The following EPHB2 variants were observed in gnomAD, a reference collection of about 807,000 sequenced individuals.
The protein encoded by EPHB2 is EPH receptor B2.
In EPHB2, 18 loss-of-function variants were observed where a neutral mutation model predicts 96.4. The observed-to-expected ratio is 0.19, with a 90% confidence interval of 0.13 to 0.28. The LOEUF (loss-of-function observed/expected upper bound fraction) is 0.28, where lower values mean the gene tolerates loss of function less well. EPHB2 is among the 10% of genes least tolerant of loss of function. The probability of loss-of-function intolerance (pLI) is 1.00; values close to 1 mark genes in which losing one functional copy is unlikely to be tolerated. For synonymous variants in EPHB2, 506 were observed against 534.1 expected (o/e 0.95, Z 0.72); for missense variants, 989 against 1,355.4 (o/e 0.73, Z 4.25).
intron 5 of EPHB2, among the ~76,000 whole-genome samples, chr1:22,874,509 G>A (rs928348198): frequency 8.5e-5 from 13 of 152,216 alleles, no homozygotes; most frequent in African/African-American, 2.4e-4. Flanking sequence ...GTAGGGCCAG[G>A]TAACCAGGGG....
At chr1:22,836,314 C>A (rs977459935) in intron 3 of EPHB2, among the ~76,000 whole-genome samples, 11 of 152,216 alleles carry the variant, frequency 7.2e-5, no homozygotes, top group African/African-American at 2.4e-4. Context: ...CTCGGAGGCA[C>A]AAAGATGAAC....
In EPHB2 at chr1:22,913,527, T is replaced by TGATGC; in HGVS notation, c.2920_2924dup (p.Ala976CysfsTer5). 1 of 1,614,104 alleles carries TGATGC rather than the reference T, an allele frequency of 6.2e-7. No homozygotes were observed. The highest frequency in any genetic ancestry group is 8.5e-7 in the Non-Finnish European group (1 of 1,180,022). On this transcript the variant is annotated frameshift_variant, in exon 16 of 16. Coordinates refer to ENST00000374630, the MANE Select transcript of EPHB2 (RefSeq NM_017449.5). LOFTEE classifies it high-confidence loss of function. The surrounding 1 kb of genome is among the most constrained non-coding windows in gnomAD (Gnocchi z 4.1). ...AAAAAAATCCTGAACAGTATCCAGG[T>TGATGC]GATGCGGGCGCAGATGAACCAGATT...
intron 3 of EPHB2, among the ~76,000 whole-genome samples, chr1:22,834,037 G>C (rs1645344663): frequency 1.2e-5 from 1 of 86,368 alleles, no homozygotes; most frequent in Non-Finnish European, 2.3e-5. Context: ...CCTGAACTTA[G>C]TCTCAAAACA....
intron 1 of EPHB2, among the ~76,000 whole-genome samples, chr1:22,748,391 C>CT (rs34735800): frequency 0.011 from 1,375 of 130,188 alleles, 10 homozygotes; most frequent in African/African-American, 0.019. Flanking sequence ...TTTTTTTTTT[C>CT]TTTTTTTTGA....
intron 5 of EPHB2, among the ~76,000 whole-genome samples, chr1:22,874,934 G>A (rs745954625): frequency 1.3e-5 from 2 of 152,154 alleles, no homozygotes; most frequent in Admixed American, 6.5e-5. Flanking sequence ...GGGTTAAACC[G>A]AGTTAACTGG....
At chr1:22,755,210 C>T (rs1255312989) in intron 1 of EPHB2, among the ~76,000 whole-genome samples, 1 of 152,114 alleles carries the variant, frequency 6.6e-6, no homozygotes. Flanking sequence ...ACTAAATCCT[C>T]TTGCAGATGG....
intron 6 of EPHB2, among the ~76,000 whole-genome samples, chr1:22,883,817 C>T (rs774246047): frequency 1.3e-4 from 20 of 152,286 alleles, no homozygotes; most frequent in Admixed American, 3.3e-4. Context: ...TCCAAGAGGT[C>T]AGGGGCTACG....
chr1:22,883,530 T>A (rs1350473799), intron 6 of EPHB2, among the ~76,000 whole-genome samples: 1 of 152,232 alleles, frequency 6.6e-6, no homozygotes, highest in Admixed American at 6.5e-5. Flanking sequence ...TAGGTGTCAA[T>A]GACTGACAGG....
chr1:22,756,850 G>T (rs1018850477), intron 1 of EPHB2, among the ~76,000 whole-genome samples: 1 of 152,292 alleles, frequency 6.6e-6, no homozygotes, highest in South Asian at 2.1e-4. Context: ...CTGTACCCGG[G>T]TCAGAAGATG....
chr1:22,775,064 A>T, intron 1 of EPHB2: 1 of 687,116 alleles, frequency 1.5e-6, no homozygotes, highest in Non-Finnish European at 2.7e-6. Context: ...GCCCCTTGCT[A>T]TTCTCACACA....
Position 22,915,037 on chromosome 1 carries a change from G to C in EPHB2, c.*1467G>C, listed in dbSNP as rs1640230270. ...TTTTCCCTCTGGGAGCCTAAACCAGGCTGCATCGGAGGCCAGGACCCGGAT... is the reference window on the plus strand; with the variant it reads ...TTTTCCCTCTGGGAGCCTAAACCAGCCTGCATCGGAGGCCAGGACCCGGAT... On this transcript the variant is annotated 3_prime_UTR_variant, in exon 16 of 16. Transcript: ENST00000374630. The C allele has an allele frequency of 6.6e-6, 1 of 152,610 alleles. No individual in the cohort carries two copies. The highest frequency in any genetic ancestry group is 1.5e-5 in the Non-Finnish European group (1 of 68,052). 9.5% of individuals were successfully genotyped at this position (152,610 alleles called of 1,614,324 possible). A position where few individuals can be genotyped will look rare whatever the true frequency, so the allele number is the denominator to read the frequency against.
chr1:22,803,815 G>A (rs1188065677), intron 3 of EPHB2, among the ~76,000 whole-genome samples: 1 of 151,518 alleles, frequency 6.6e-6, no homozygotes, highest in Non-Finnish European at 1.5e-5. Flanking sequence ...TAGGGAGGCT[G>A]AGGTGGGAAG....
At position 22,859,110 on chromosome 1, in the gene EPHB2, C is replaced by T. The variant is rs1369054955; in HGVS notation, c.812-3927C>T. ...CCAAGATCATGCCACTGCACTCCAG[C>T]CTGGTCAACACAGCGAGACTCCGTC... On this transcript the variant is annotated intron_variant, in intron 3 of 15. Coordinates refer to ENST00000374630, the MANE Select transcript of EPHB2 (RefSeq NM_017449.5). Among the ~76,000 whole-genome samples the T allele has an allele frequency of 3.3e-5, 5 of 152,164 alleles. No individual in the cohort carries two copies. In the East Asian group the frequency reaches 9.6e-4, roughly 29 times the overall value.
At chr1:22,757,980 G>A (rs947330198) in intron 1 of EPHB2, among the ~76,000 whole-genome samples, 1 of 134,542 alleles carries the variant, frequency 7.4e-6, no homozygotes, top group South Asian at 2.4e-4. Context: ...GTGCAGTGGC[G>A]CGATCTCGGC....
intron 3 of EPHB2, among the ~76,000 whole-genome samples, chr1:22,793,236 C>T (rs961423883): frequency 3.3e-5 from 5 of 152,210 alleles, no homozygotes; most frequent in Non-Finnish European, 7.3e-5. Context: ...CACTCAAATA[C>T]CACTTCCAGG....
rs533838593 is a variant in EPHB2 at position 22,726,869 on chromosome 1, G to A, written c.61+15826G>A. Among the ~76,000 whole-genome samples, 10 of 152,314 alleles carry A rather than the reference G, an allele frequency of 6.6e-5. No homozygotes were observed. In the South Asian group the frequency reaches 1.2e-3, roughly 19 times the overall value. On this transcript the variant is annotated intron_variant, in intron 1 of 15. Transcript: ENST00000374630. ...AGGGGAAAGTCCTCCAGCCTGTGCC[G>A]TCAGGATGGCATTATTTAGTAGGTA... is the stretch of plus-strand genomic sequence containing the variant.
At chr1:22,773,659 C>G (rs893623700) in intron 1 of EPHB2, among the ~76,000 whole-genome samples, 1 of 152,228 alleles carries the variant, frequency 6.6e-6, no homozygotes, top group African/African-American at 2.4e-5. Context: ...GACCACATCA[C>G]TACCCTCTTC....
At chr1:22,827,481 A>AC (rs750976449) in intron 3 of EPHB2, among the ~76,000 whole-genome samples, 3 of 152,220 alleles carry the variant, frequency 2.0e-5, no homozygotes, top group Non-Finnish European at 2.9e-5. Flanking sequence ...TATACATAGT[A>AC]GTGGCTTTGC....
intron 3 of EPHB2, among the ~76,000 whole-genome samples, chr1:22,806,255 C>T (rs983049091): frequency 6.6e-6 from 1 of 152,204 alleles, no homozygotes; most frequent in Admixed American, 6.5e-5. Flanking sequence ...AACTGAGGTG[C>T]ACAGAAGTGA....
Sources: allele counts gnomAD v4.1 joint callset (sites outside exome capture counted in the v4.1 genomes callset), GRCh38; gene constraint gnomAD v4.1.1; non-coding constraint Gnocchi (gnomAD v3.1); transcripts MANE v1.5; gene names NCBI Gene and HGNC (gene_info 2026-07-23, HGNC 2026-07-21).